Variants in WDR25 observed in about 807,000 individuals in gnomAD.
The protein encoded by WDR25 is WD repeat-containing protein 25.
In WDR25, 35 loss-of-function variants were observed where a neutral mutation model predicts 47.7. The observed-to-expected ratio is 0.73, with a 90% CI of 0.56 to 0.97. The LOEUF (loss-of-function observed/expected upper bound fraction) is 0.97. WDR25 is among the 50% of genes least tolerant of loss of function. WDR25 has a pLI of 0.00. For missense variants in WDR25, 634 were observed against 704.7 expected, an observed-to-expected ratio of 0.90 and a Z score of 1.14; for synonymous variants, 248 against 278.9, an observed-to-expected ratio of 0.89 and a Z score of 1.10.
At chr14:100,395,977 T>G (rs995052363) in intron 2 of WDR25, among the ~76,000 whole-genome samples, 8 of 149,024 alleles carry the variant, frequency 5.4e-5, no homozygotes, top group African/African-American at 1.2e-4. Flanking sequence ...GAAATGTTTT[T>G]TTTTTTTTTT....
In WDR25 at chr14:100,506,361, T is replaced by G. The variant is rs1352563138; in HGVS notation, c.1102-19509T>G. Among the ~76,000 whole-genome samples the G allele has an allele frequency of 6.6e-6, 1 of 152,234 alleles. No homozygotes were observed. Among genetic ancestry groups the G allele is most frequent in the Non-Finnish European group, 1.5e-5 (1 of 68,032 alleles). On this transcript the variant is annotated intron_variant, in intron 4 of 6. Coordinates refer to ENST00000402312, the MANE Select transcript of WDR25 (RefSeq NM_001161476.3). This position sits in a 1 kb window ranked among gnomAD's most constrained non-coding sequence, Gnocchi z 4.8. ...TCCATGTCTTTGCTATTGTGAATAG[T>G]GCTGTGATGAACACGTGAGTGCATG...
chr14:100,406,950 T>A, intron 2 of WDR25: 1 of 152,356 alleles, frequency 6.6e-6, no homozygotes, highest in East Asian at 1.9e-4. Flanking sequence ...CCTTCCTTCT[T>A]GGGATTCAGA....
At chr14:100,478,759 A>G (rs1170960174) in intron 3 of WDR25, among the ~76,000 whole-genome samples, 4 of 152,186 alleles carry the variant, frequency 2.6e-5, no homozygotes, top group Admixed American at 6.5e-5. Context: ...AAGTTCGATC[A>G]TCGTCTTTTA....
intron 3 of WDR25, among the ~76,000 whole-genome samples, chr14:100,473,842 C>T (rs754471667): frequency 3.2e-4 from 48 of 152,226 alleles, no homozygotes; most frequent in African/African-American, 1.2e-3. Flanking sequence ...CTTTGGCTTT[C>T]TGGCACTGTG....
chr14:100,405,949 T>G (rs961287824), intron 2 of WDR25, among the ~76,000 whole-genome samples: 4 of 152,220 alleles, frequency 2.6e-5, no homozygotes, highest in African/African-American at 9.6e-5. Context: ...AAAATGATGA[T>G]GCAATCAATC....
chr14:100,471,083 G>C (rs1365023193), intron 3 of WDR25, among the ~76,000 whole-genome samples: 2 of 152,180 alleles, frequency 1.3e-5, no homozygotes, highest in Non-Finnish European at 2.9e-5. Flanking sequence ...GGGAGAGAAT[G>C]GTTGAGGGAT....
chr14:100,457,025 T>C (rs1481659076), intron 2 of WDR25, among the ~76,000 whole-genome samples: 1 of 151,702 alleles, frequency 6.6e-6, no homozygotes, highest in East Asian at 1.9e-4. Context: ...TGGTGTGATC[T>C]CGGGTCACTG....
chr14:100,529,256 G>A lies in WDR25; in HGVS notation c.1413+48G>A. On this transcript the variant is annotated intron_variant, in intron 6 of 6. Transcript: ENST00000402312. This position sits in a 1 kb window ranked among gnomAD's most constrained non-coding sequence, Gnocchi z 5.1. ...GGCGAATGCTGAGCCCCAGCCCCAAGCCTCCTGGCAGTCCTGGACATGGGC... is the reference window on the plus strand; with the variant it reads ...GGCGAATGCTGAGCCCCAGCCCCAAACCTCCTGGCAGTCCTGGACATGGGC... The A allele has an allele frequency of 6.2e-7, 1 of 1,609,702 alleles. No homozygotes were observed. The highest frequency in any genetic ancestry group is 8.5e-7 in the Non-Finnish European group (1 of 1,178,758).
In WDR25 at chr14:100,392,162, C is replaced by A. The variant is rs555587251; in HGVS notation, c.822+10416C>A. Among the ~76,000 whole-genome samples, 2 of 152,130 alleles carry A rather than the reference C, an allele frequency of 1.3e-5. No homozygotes were observed. Among genetic ancestry groups the A allele is most frequent in the South Asian group, 4.1e-4 (2 of 4,828 alleles). Reference sequence around the variant, plus strand: ...ATGTCCTCAGTTTTCACTTCTAATACGCGAAGTACCCATAGCTATAATCCG... The same window carrying A: ...ATGTCCTCAGTTTTCACTTCTAATAAGCGAAGTACCCATAGCTATAATCCG... On this transcript the variant is annotated intron_variant, in intron 2 of 6. Transcript: ENST00000402312. This position sits in a 1 kb window ranked among gnomAD's most constrained non-coding sequence, Gnocchi z 4.2.
rs569450501 is a variant in WDR25, at chr14:100,385,755, C to G, written c.822+4009C>G. 2.0e-5 allele frequency among the ~76,000 whole-genome samples: 3 copies of G among 152,278 alleles called. No homozygotes were observed. In the East Asian group the frequency reaches 5.8e-4, roughly 29 times the overall value. On this transcript the variant is annotated intron_variant, in intron 2 of 6. Transcript: ENST00000402312. ...TAGCTGTGATCCCAGCACGGATACC[C>G]TTTTATATACTCTTTTCATCTCCCA...
intron 2 of WDR25, among the ~76,000 whole-genome samples, chr14:100,387,046 G>C (rs891293204): frequency 2.6e-5 from 4 of 151,650 alleles, no homozygotes; most frequent in Non-Finnish European, 2.9e-5. Context: ...CTTGGTAGCT[G>C]TGTGACTTTG....
At chr14:100,435,815 A>G (rs1430858792) in intron 2 of WDR25, among the ~76,000 whole-genome samples, 1 of 152,172 alleles carries the variant, frequency 6.6e-6, no homozygotes, top group Non-Finnish European at 1.5e-5. Flanking sequence ...AGGGAAGGAC[A>G]CAGTGCTGTG....
chr14:100,387,290 T>C (rs1897041730), intron 2 of WDR25, among the ~76,000 whole-genome samples: 1 of 152,170 alleles, frequency 6.6e-6, no homozygotes, highest in Non-Finnish European at 1.5e-5. Context: ...CAACTTACTG[T>C]AACTCTTGTT....
chr14:100,409,093 G>A (rs1460183332), intron 2 of WDR25, among the ~76,000 whole-genome samples: 2 of 152,150 alleles, frequency 1.3e-5, no homozygotes, highest in Admixed American at 6.5e-5. Context: ...CCTCCAGGGT[G>A]GGGGATCTGG....
chr14:100,504,242 T>C (rs192084096), intron 4 of WDR25, among the ~76,000 whole-genome samples: 5 of 152,362 alleles, frequency 3.3e-5, no homozygotes, highest in South Asian at 2.1e-4. Flanking sequence ...CTCTAATCCA[T>C]GTTCAGATTT....
intron 2 of WDR25, among the ~76,000 whole-genome samples, chr14:100,461,087 G>A (rs973458104): frequency 6.6e-6 from 1 of 152,100 alleles, no homozygotes. Flanking sequence ...GGTGATGTGT[G>A]CCTGCAGTCC....
chr14:100,408,318 T>C (rs968558767), intron 2 of WDR25, among the ~76,000 whole-genome samples: 1 of 152,152 alleles, frequency 6.6e-6, no homozygotes, highest in African/African-American at 2.4e-5. Context: ...ACAATTTCAG[T>C]ATCAATGTAA....
At position 100,465,776 on chromosome 14, in the gene WDR25, C is replaced by A. The variant is rs185788851; in HGVS notation, c.823-2245C>A. Among the ~76,000 whole-genome samples the A allele has an allele frequency of 1.2e-4, 18 of 152,308 alleles. No individual in the cohort carries two copies. In the South Asian group the frequency reaches 3.5e-3, roughly 30 times the overall value. ...ATTCTACATTTAATTTTTTGAGGAA[C>A]CATCATGCTGTTTTTCACAGTGGCT... is the stretch of plus-strand genomic sequence containing the variant. On this transcript the variant is annotated intron_variant, in intron 2 of 6. Coordinates refer to ENST00000402312, the MANE Select transcript of WDR25 (RefSeq NM_001161476.3).
chr14:100,446,550 CAAAAAAAAAA>C (rs55946078), intron 2 of WDR25, among the ~76,000 whole-genome samples: 2 of 75,012 alleles, frequency 2.7e-5, no homozygotes, highest in Admixed American at 1.4e-4. Flanking sequence ...GACTCCATCT[CAAAAAAAAAA>C]AAAAAAAAAA....
Sources: gnomAD v4.1 joint callset for allele counts (sites outside exome capture counted in the v4.1 genomes callset) on GRCh38, gnomAD v4.1.1 for gene constraint, Gnocchi (gnomAD v3.1) non-coding constraint, MANE v1.5 for transcripts, NCBI Gene and HGNC (gene_info 2026-07-23, HGNC 2026-07-21) for gene names.